RALGAPA2: variants seen among roughly 807,000 people sequenced by gnomAD.
RALGAPA2 encodes the protein ral GTPase-activating protein subunit alpha-2.
RALGAPA2 carries 139 observed loss-of-function variants against 230.4 expected under a neutral mutation model. The observed-to-expected ratio is 0.60, with a 90% CI of 0.53 to 0.69. The LOEUF is 0.69. RALGAPA2 is among the 30% of genes least tolerant of loss of function. The pLI is 0.00. For missense variants in RALGAPA2, 2,163 were observed against 2,276.0 expected (o/e 0.95, Z 1.01); for synonymous variants, 847 against 837.8 (o/e 1.01, Z -0.19).
chr20:20,542,745 A>G (rs1272348940), intron 24 of RALGAPA2, among the ~76,000 whole-genome samples: 1 of 152,200 alleles, frequency 6.6e-6, no homozygotes, highest in Non-Finnish European at 1.5e-5. Context: ...TTTACACCTT[A>G]TACAAAAATT....
intron 31 of RALGAPA2, among the ~76,000 whole-genome samples, chr20:20,518,347 G>A (rs770440203): frequency 1.3e-5 from 2 of 152,124 alleles, no homozygotes; most frequent in East Asian, 1.9e-4. Flanking sequence ...CGGCCACCAC[G>A]CCCGGCCACC....
intron 35 of RALGAPA2, among the ~76,000 whole-genome samples, chr20:20,498,246 C>T (rs539864723): frequency 1.3e-5 from 2 of 152,180 alleles, no homozygotes; most frequent in African/African-American, 4.8e-5. Flanking sequence ...AATGATGAGT[C>T]TCCTTCTGGA....
intron 1 of RALGAPA2, among the ~76,000 whole-genome samples, chr20:20,708,268 C>A (rs2069687650): frequency 6.6e-6 from 1 of 152,174 alleles, no homozygotes. Context: ...ATGTGGCTTA[C>A]ATTATATCTC....
At chr20:20,649,903 G>A (rs2067338666) in intron 4 of RALGAPA2, among the ~76,000 whole-genome samples, 1 of 152,178 alleles carries the variant, frequency 6.6e-6, no homozygotes, top group Non-Finnish European at 1.5e-5. Flanking sequence ...GAAATGAGAT[G>A]TCAAGCAGTC....
intron 36 of RALGAPA2, among the ~76,000 whole-genome samples, chr20:20,473,974 T>C (rs1013575425): frequency 2.6e-5 from 4 of 152,202 alleles, no homozygotes; most frequent in African/African-American, 7.2e-5. Context: ...CCTGAATTTA[T>C]TGAGCTTGGA....
Position 20,589,338 on chromosome 20 carries a change from G to T in RALGAPA2, c.2369C>A (p.Ser790Ter). 2 of 1,590,838 alleles carry T rather than the reference G, an allele frequency of 1.3e-6. No homozygotes were observed. Among genetic ancestry groups the T allele is most frequent in the East Asian group, 2.3e-5 (1 of 44,310 alleles). The change falls in exon 18 of 40, where the codon TCG becomes TAG. Residue 790 changes from serine (S) to a stop codon, truncating the protein, a stop_gained. Coordinates refer to ENST00000202677, the MANE Select transcript of RALGAPA2 (RefSeq NM_020343.4). LOFTEE classifies it high-confidence loss of function. ...QGQKAENTQN[S>*]SSSEPQPIQE... is the part of the protein sequence containing the mutation. ...AATAGGCTGAGGCTCTGAAGAACTC[G>T]AATTCTGTGTGTTTTCTGCCTTTTG...
intron 21 of RALGAPA2, among the ~76,000 whole-genome samples, chr20:20,572,337 G>T (rs897987824): frequency 1.3e-5 from 2 of 151,656 alleles, no homozygotes; most frequent in South Asian, 2.1e-4. Flanking sequence ...TACTACTCAG[G>T]AGGCTAAAGC....
chr20:20,571,774 A>T, intron 22 of RALGAPA2, 74 bp downstream of exon 22: 1 of 1,482,270 alleles, frequency 6.7e-7, no homozygotes, highest in Admixed American at 1.9e-5. Flanking sequence ...AGTCTTGGGC[A>T]ATTACATTTT....
At chr20:20,691,314 A>G (rs1397554786) in intron 1 of RALGAPA2, among the ~76,000 whole-genome samples, 1 of 151,946 alleles carries the variant, frequency 6.6e-6, no homozygotes, top group East Asian at 1.9e-4. Flanking sequence ...TCCTCTTTTT[A>G]GTCAGTCATT....
intron 36 of RALGAPA2, among the ~76,000 whole-genome samples, chr20:20,477,515 G>A (rs2061679239): frequency 6.6e-6 from 1 of 152,108 alleles, no homozygotes; most frequent in Non-Finnish European, 1.5e-5. Context: ...ATTTTACTAT[G>A]TGAAAATTAT....
In RALGAPA2 at chr20:20,424,995, TTTGAA is replaced by T. The variant is rs1267250729; in HGVS notation, c.5496-12852_5496-12848del. On this transcript the variant is annotated intron_variant, in intron 37 of 39. Coordinates refer to ENST00000202677, the MANE Select transcript of RALGAPA2 (RefSeq NM_020343.4). Reference sequence around the variant, plus strand: ...ACAGGTACTATTTAGTGCAACATAATTTGAATTGAATTATCCAATGTTTACTCTTC... The same window carrying T: ...ACAGGTACTATTTAGTGCAACATAATTTGAATTATCCAATGTTTACTCTTC... 7.5e-4 allele frequency among the ~76,000 whole-genome samples: 115 copies of T among 152,338 alleles called. 1 individual carries two copies. Among genetic ancestry groups the T allele is most frequent in the African/African-American group, 2.7e-3 (113 of 41,578 alleles).
intron 30 of RALGAPA2, among the ~76,000 whole-genome samples, chr20:20,523,079 TAATC>T (rs2145466969): frequency 6.6e-6 from 1 of 152,314 alleles, no homozygotes; most frequent in Admixed American, 6.5e-5. Context: ...GGCAACAAAG[TAATC>T]AGTCTGTGAC....
chr20:20,614,439 G>A (rs572898998), intron 13 of RALGAPA2, among the ~76,000 whole-genome samples: 23 of 152,166 alleles, frequency 1.5e-4, no homozygotes, highest in South Asian at 1.5e-3. Flanking sequence ...ATAAAACTAT[G>A]GTATTCAGGA....
At chr20:20,440,716 C>T (rs2123055827) in intron 37 of RALGAPA2, among the ~76,000 whole-genome samples, 1 of 152,380 alleles carries the variant, frequency 6.6e-6, no homozygotes, top group East Asian at 1.9e-4. Flanking sequence ...GAGCAGAGCA[C>T]CTGGTACTCC....
At chr20:20,464,361 T>C (rs2061369295) in intron 37 of RALGAPA2, among the ~76,000 whole-genome samples, 1 of 152,192 alleles carries the variant, frequency 6.6e-6, no homozygotes, top group South Asian at 2.1e-4. Context: ...TTTATGTGTA[T>C]ACAATTTACA....
intron 1 of RALGAPA2, among the ~76,000 whole-genome samples, chr20:20,697,373 A>T (rs986500860): frequency 1.3e-5 from 2 of 152,260 alleles, no homozygotes; most frequent in East Asian, 1.9e-4. Context: ...ATAATCCTCA[A>T]ATATGACTCC....
At chr20:20,683,282 C>G (rs1258882022) in intron 1 of RALGAPA2, among the ~76,000 whole-genome samples, 1 of 152,188 alleles carries the variant, frequency 6.6e-6, no homozygotes, top group Non-Finnish European at 1.5e-5. Context: ...TTCCCTGCTT[C>G]CACTCTTCTT....
intron 15 of RALGAPA2, 35 bp from the exon 16 acceptor site, chr20:20,601,881 A>C: frequency 6.5e-7 from 1 of 1,533,348 alleles, no homozygotes; most frequent in African/African-American, 1.4e-5. Flanking sequence ...CTAAAGGCTG[A>C]ATTCATTATT....
In RALGAPA2 at chr20:20,582,665, G is replaced by A. The variant is rs80140856; in HGVS notation, c.2707+385C>T. ...GCTTGGGTGCCCTGCTAGTTCTTAA[G>A]TTGGGTAGTAGACTCACTCGTGTTC... On this transcript the variant is annotated intron_variant, in intron 20 of 39. Coordinates refer to ENST00000202677, the MANE Select transcript of RALGAPA2 (RefSeq NM_020343.4). Among the ~76,000 whole-genome samples, 826 of 152,258 alleles carry A rather than the reference G, an allele frequency of 5.4e-3. 7 individuals carry two copies. Among genetic ancestry groups the A allele is most frequent in the African/African-American group, 0.019 (787 of 41,556 alleles).
Sources: gnomAD v4.1 joint callset for allele counts (sites outside exome capture counted in the v4.1 genomes callset) on GRCh38, gnomAD v4.1.1 for gene constraint, MANE v1.5 for transcripts, NCBI Gene and HGNC (gene_info 2026-07-23, HGNC 2026-07-21) for gene names.